Variants in WARS2 observed in about 807,000 individuals in gnomAD.
WARS2 encodes the protein tryptophan--tRNA ligase, mitochondrial.
A neutral mutation model predicts 36.5 loss-of-function variants in WARS2; 28 were observed. The ratio of observed to expected loss-of-function variants is 0.77; its 90% CI spans 0.57 to 1.05. WARS2 has a LOEUF of 1.05. Among genes scored for constraint, WARS2 ranks in the 50% least tolerant of loss-of-function variants. The probability of loss-of-function intolerance (pLI) is 0.00; values close to 1 mark genes in which losing one functional copy is unlikely to be tolerated. For synonymous variants in WARS2, 174 were observed against 178.4 expected (o/e 0.98, Z 0.20); for missense variants, 435 against 456.8 (o/e 0.95, Z 0.44).
intron 1 of WARS2, among the ~76,000 whole-genome samples, chr1:119,131,248 TTC>T (rs1656071045): frequency 1.3e-5 from 2 of 152,258 alleles, no homozygotes; most frequent in Admixed American, 6.5e-5. Context: ...CTGTACATAT[TTC>T]TGTTTTGTTT....
At chr1:119,107,659 A>G (rs1257814120) in intron 1 of WARS2, among the ~76,000 whole-genome samples, 1 of 143,482 alleles carries the variant, frequency 7.0e-6, no homozygotes. Flanking sequence ...TAGTTGGAGA[A>G]ATAGAAAAAG....
chr1:119,137,764 T>C (rs1415135244), intron 1 of WARS2, among the ~76,000 whole-genome samples: 1 of 152,202 alleles, frequency 6.6e-6, no homozygotes, highest in Non-Finnish European at 1.5e-5. Flanking sequence ...TTCATATAAA[T>C]TGTAGACATC....
At chr1:119,085,093 T>C (rs1652523209) in intron 1 of WARS2, 4 of 769,636 alleles carry the variant, frequency 5.2e-6, no homozygotes, top group Non-Finnish European at 9.6e-6. Flanking sequence ...CTCCTACCTC[T>C]ACTTCTATGA....
chr1:119,099,841 T>C (rs1262780232), intron 1 of WARS2, among the ~76,000 whole-genome samples: 1 of 152,062 alleles, frequency 6.6e-6, no homozygotes, highest in Non-Finnish European at 1.5e-5. Context: ...CCTGAAACTA[T>C]AAAAATACTA....
intron 2 of WARS2, among the ~76,000 whole-genome samples, chr1:119,054,662 A>G (rs2101170625): frequency 6.6e-6 from 1 of 152,348 alleles, no homozygotes; most frequent in East Asian, 1.9e-4. Flanking sequence ...AATGTCCATT[A>G]TAAGATGACT....
intron 1 of WARS2, among the ~76,000 whole-genome samples, chr1:119,130,620 A>C (rs1304554254): frequency 6.6e-6 from 1 of 152,244 alleles, no homozygotes; most frequent in Non-Finnish European, 1.5e-5. Flanking sequence ...TAATTAAATA[A>C]ATAAAAATGC....
At chr1:119,061,854 G>A (rs1389780983) in intron 2 of WARS2, among the ~76,000 whole-genome samples, 1 of 152,144 alleles carries the variant, frequency 6.6e-6, no homozygotes, top group African/African-American at 2.4e-5. Flanking sequence ...AGATAAAACA[G>A]TATGTGTTAA....
intron 2 of WARS2, among the ~76,000 whole-genome samples, chr1:119,060,994 C>T (rs1307210887): frequency 1.3e-5 from 2 of 152,042 alleles, no homozygotes; most frequent in Non-Finnish European, 2.9e-5. Context: ...ATGGCTAAAA[C>T]AACTGGCAAA....
Position 119,091,230 on chromosome 1 carries a change from G to T in WARS2, c.91-14623C>A, listed in dbSNP as rs1413347521. 3.9e-5 allele frequency among the ~76,000 whole-genome samples: 6 copies of T among 152,172 alleles called. No individual in the cohort carries two copies. In the East Asian group the frequency reaches 1.2e-3, roughly 29 times the overall value. ...TCAGTTTTATTATTTGGACATTGAG[G>T]TTAATGGTAATAATAGCTAACATTT... On this transcript the variant is annotated intron_variant, in intron 1 of 5. Transcript: ENST00000235521.
chr1:119,044,020 T>C (rs1648587788), intron 3 of WARS2, among the ~76,000 whole-genome samples: 1 of 152,194 alleles, frequency 6.6e-6, no homozygotes, highest in Non-Finnish European at 1.5e-5. Context: ...CACTTTCTTA[T>C]TACTTGTTTA....
chr1:119,056,306 G>T (rs1045270699), intron 2 of WARS2, among the ~76,000 whole-genome samples: 13 of 150,328 alleles, frequency 8.6e-5, no homozygotes, highest in Non-Finnish European at 1.6e-4. Flanking sequence ...CAAAGTGCTG[G>T]GATTACAGGC....
intron 1 of WARS2, among the ~76,000 whole-genome samples, chr1:119,096,417 A>C (rs1040953896): frequency 3.3e-5 from 5 of 152,174 alleles, no homozygotes; most frequent in African/African-American, 1.2e-4. Flanking sequence ...TATTTACCAT[A>C]TCCCTTTTGC....
chr1:119,041,157 A>G (rs73013157), intron 4 of WARS2, among the ~76,000 whole-genome samples: 2,344 of 152,302 alleles, frequency 0.015, 63 homozygotes, highest in African/African-American at 0.054. Context: ...TGTCATCTTC[A>G]TGCTATTATC....
intron 2 of WARS2, among the ~76,000 whole-genome samples, chr1:119,068,858 C>T (rs1346716416): frequency 2.0e-5 from 3 of 149,494 alleles, no homozygotes; most frequent in African/African-American, 5.0e-5. Context: ...CACACATACA[C>T]ACACACACAC....
intron 1 of WARS2, among the ~76,000 whole-genome samples, chr1:119,102,381 G>T (rs587632548): frequency 6.6e-6 from 1 of 152,252 alleles, no homozygotes; most frequent in South Asian, 2.1e-4. Flanking sequence ...TCAGTACATT[G>T]TACCAACTTT....
intron 2 of WARS2, among the ~76,000 whole-genome samples, chr1:119,068,001 T>C (rs191490354): frequency 6.6e-6 from 1 of 152,316 alleles, no homozygotes; most frequent in East Asian, 1.9e-4. Context: ...AGGAAATACA[T>C]GCAGAGTTTG....
chr1:119,136,061 C>T (rs189970554), intron 1 of WARS2, among the ~76,000 whole-genome samples: 5 of 152,054 alleles, frequency 3.3e-5, no homozygotes, highest in East Asian at 1.9e-4. Flanking sequence ...CGTCAGCCAC[C>T]GTGCTTGGCC....
chr1:119,134,475 G>A (rs1478091166), intron 1 of WARS2, among the ~76,000 whole-genome samples: 1 of 152,102 alleles, frequency 6.6e-6, no homozygotes, highest in Non-Finnish European at 1.5e-5. Flanking sequence ...GAAAGCTACA[G>A]ATGAATTTTG....
chr1:119,073,753 A>G (rs1380098055), intron 2 of WARS2, among the ~76,000 whole-genome samples: 1 of 152,150 alleles, frequency 6.6e-6, no homozygotes, highest in African/African-American at 2.4e-5. Flanking sequence ...TACTTCTTCA[A>G]TTGCTATTTT....
Sources: gnomAD v4.1 joint callset for allele counts (sites outside exome capture counted in the v4.1 genomes callset) on GRCh38, gnomAD v4.1.1 for gene constraint, MANE v1.5 for transcripts, NCBI Gene and HGNC (gene_info 2026-07-23, HGNC 2026-07-21) for gene names.